CATSPERT: variants seen among roughly 807,000 people sequenced by gnomAD.
The protein encoded by CATSPERT is cation channel sperm-associated targeting subunit tau.
the CATSPERT span, among the ~76,000 whole-genome samples, chr2:201,604,389 A>T: frequency 2.0e-5 from 3 of 152,138 alleles, no homozygotes; most frequent in Admixed American, 6.5e-5. Flanking sequence ...CATCTGAGGT[A>T]ATTCCGATAT....
the CATSPERT span, among the ~76,000 whole-genome samples, chr2:201,515,202 G>GTTTTTTTTTTGTT: frequency 4.1e-5 from 1 of 24,656 alleles, no homozygotes; most frequent in Admixed American, 5.0e-4. Flanking sequence ...TCTGCCCATA[G>GTTTTTTTTTTGTT]TTTTTTTTTT....
chr2:201,609,826 GA>G, the CATSPERT span, among the ~76,000 whole-genome samples: 1 of 152,012 alleles, frequency 6.6e-6, no homozygotes, highest in Non-Finnish European at 1.5e-5. Context: ...TGGAAGAAAA[GA>G]AATAACAAAG....
the CATSPERT span, among the ~76,000 whole-genome samples, chr2:201,527,618 A>C: frequency 1.2e-3 from 185 of 152,256 alleles, no homozygotes; most frequent in African/African-American, 4.3e-3. Flanking sequence ...ACCTACATCC[A>C]TCTGATTTTT....
chr2:201,543,166 T>C, the CATSPERT span, among the ~76,000 whole-genome samples: 2 of 152,192 alleles, frequency 1.3e-5, no homozygotes, highest in South Asian at 4.1e-4. Context: ...TTCATCACAT[T>C]TGCATGGGTT....
At chr2:201,579,476 G>A in the CATSPERT span, among the ~76,000 whole-genome samples, 2 of 151,932 alleles carry the variant, frequency 1.3e-5, no homozygotes, top group Non-Finnish European at 1.5e-5. Flanking sequence ...TAGAGAAAGG[G>A]TTTCACCATG....
At chr2:201,567,732 G>A in the CATSPERT span, among the ~76,000 whole-genome samples, 12 of 152,180 alleles carry the variant, frequency 7.9e-5, no homozygotes, top group African/African-American at 2.9e-4. Context: ...CCCACACTAG[G>A]GAGAGCAACC....
At chr2:201,614,609 C>A in the CATSPERT span, among the ~76,000 whole-genome samples, 289 of 152,302 alleles carry the variant, frequency 1.9e-3, 1 homozygote, top group African/African-American at 6.4e-3. Flanking sequence ...AAAAACATGC[C>A]AAATTGTAAA....
At chr2:201,496,293 T>C in the CATSPERT span, among the ~76,000 whole-genome samples, 5 of 152,166 alleles carry the variant, frequency 3.3e-5, no homozygotes, top group Non-Finnish European at 7.4e-5. Flanking sequence ...GTGAGATGCC[T>C]TTACACAATA....
At chr2:201,555,940 T>A in the CATSPERT span, 2 of 152,156 alleles carry the variant, frequency 1.3e-5, no homozygotes, top group African/African-American at 4.8e-5. Flanking sequence ...AATTTACCAA[T>A]CACATTAATA....
chr2:201,549,722 T>C, the CATSPERT span: 1 of 152,144 alleles, frequency 6.6e-6, no homozygotes, highest in African/African-American at 2.4e-5. Context: ...TAATAATCGT[T>C]TTCTTAATTA....
chr2:201,498,571 C>A, the CATSPERT span, among the ~76,000 whole-genome samples: 1 of 152,288 alleles, frequency 6.6e-6, no homozygotes, highest in African/African-American at 2.4e-5. Context: ...TCTGGCAACA[C>A]CCTCACAGAC....
At chr2:201,618,981 C>T in the CATSPERT span, 1 of 1,613,970 alleles carries the variant, frequency 6.2e-7, no homozygotes, top group Non-Finnish European at 8.5e-7. Flanking sequence ...CGTAAGGGAC[C>T]GAAGAAGCCT....
At chr2:201,497,961 G>C in the CATSPERT span, among the ~76,000 whole-genome samples, 1 of 152,068 alleles carries the variant, frequency 6.6e-6, no homozygotes, top group Non-Finnish European at 1.5e-5. Flanking sequence ...GAAAATATGA[G>C]AGCAGATATA....
the CATSPERT span, chr2:201,493,013 G>A: frequency 1.0e-5 from 16 of 1,536,352 alleles, no homozygotes; most frequent in African/African-American, 1.6e-4. Flanking sequence ...AGTTCTTCAA[G>A]GTGTTCTGTG....
At chr2:201,563,236 A>C in the CATSPERT span, among the ~76,000 whole-genome samples, 1 of 128,870 alleles carries the variant, frequency 7.8e-6, no homozygotes, top group Admixed American at 7.6e-5. Flanking sequence ...GGCTGGGCAG[A>C]GGGGCTCCTC....
chr2:201,600,576 A>G, the CATSPERT span, among the ~76,000 whole-genome samples: 1 of 152,136 alleles, frequency 6.6e-6, no homozygotes, highest in Non-Finnish European at 1.5e-5. Context: ...CCTAGAACTT[A>G]AAGTATAATA....
At chr2:201,561,838 C>CA in the CATSPERT span, among the ~76,000 whole-genome samples, 1 of 151,172 alleles carries the variant, frequency 6.6e-6, no homozygotes, top group Non-Finnish European at 1.5e-5. Flanking sequence ...CACGCCACTG[C>CA]ACTCCCGCCT....
chr2:201,578,036 C>T, the CATSPERT span, among the ~76,000 whole-genome samples: 117 of 152,032 alleles, frequency 7.7e-4, 1 homozygote, highest in African/African-American at 2.7e-3. Context: ...AATTTATGGG[C>T]AAACAGAGGA....
chr2:201,521,457 G>GAGAGAGAGAGAGAGAGAGAGAC, the CATSPERT span, among the ~76,000 whole-genome samples: 1 of 150,762 alleles, frequency 6.6e-6, no homozygotes, highest in African/African-American at 2.4e-5. Flanking sequence ...GAGAGAAAGA[G>GAGAGAGAGAGAGAGAGAGAGAC]ACACACAGAG....
Sources: allele counts gnomAD v4.1 joint callset (sites outside exome capture counted in the v4.1 genomes callset), GRCh38; gene constraint gnomAD v4.1.1; transcripts MANE v1.5; gene names NCBI Gene and HGNC (gene_info 2026-07-23, HGNC 2026-07-21).